The following GLYATL2 variants were observed in gnomAD, a reference collection of about 807,000 sequenced individuals.
GLYATL2 encodes the protein glycine-N-acyltransferase like 2, also known as glycine N-acyltransferase-like protein 2.
In GLYATL2, 25 loss-of-function variants were observed where a neutral mutation model predicts 21.4. That is an observed-to-expected ratio of 1.17 (90% CI 0.85 to 1.63). The LOEUF (loss-of-function observed/expected upper bound fraction) is 1.63, where lower values mean the gene tolerates loss of function less well. Ranked by LOEUF, GLYATL2 falls within the 40% of genes most tolerant of loss-of-function variation. The pLI is 0.00. For synonymous variants in GLYATL2, 114 were observed against 118.2 expected (o/e 0.96, Z 0.23); for missense variants, 361 against 343.3 (o/e 1.05, Z -0.41).
upstream of GLYATL2, among the ~76,000 whole-genome samples, chr11:58,907,010 A>G (rs562477624): frequency 6.6e-6 from 1 of 152,318 alleles, no homozygotes; most frequent in East Asian, 1.9e-4. Context: ...GAACAATAAA[A>G]GGTTGATCTG....
upstream of GLYATL2, among the ~76,000 whole-genome samples, chr11:58,844,950 T>C (rs1853616890): frequency 6.6e-6 from 1 of 152,162 alleles, no homozygotes; most frequent in African/African-American, 2.4e-5. Context: ...GTTACTGTAA[T>C]AATGAGAACT....
At chr11:58,875,895 G>T (rs1307384963) in intron 1 of GLYATL2, among the ~76,000 whole-genome samples, 1 of 152,170 alleles carries the variant, frequency 6.6e-6, no homozygotes, top group Non-Finnish European at 1.5e-5. Context: ...TTTCCAACTT[G>T]GTTCCATTCT....
At chr11:58,908,338 T>C (rs1252726686), upstream of GLYATL2, 3 of 152,656 alleles carry the variant, frequency 2.0e-5, no homozygotes, top group Non-Finnish European at 2.9e-5. Context: ...GTCCAGTGTT[T>C]GAAAGTGGTT....
At chr11:58,883,830 C>T (rs538171369) in intron 1 of GLYATL2, among the ~76,000 whole-genome samples, 1 of 152,160 alleles carries the variant, frequency 6.6e-6, no homozygotes, top group South Asian at 2.1e-4. Context: ...AAAATACCAG[C>T]AAACCGAATC....
At chr11:58,848,847 A>G (rs1165549001), upstream of GLYATL2, among the ~76,000 whole-genome samples, 1 of 152,238 alleles carries the variant, frequency 6.6e-6, no homozygotes, top group Non-Finnish European at 1.5e-5. Context: ...GTATCTGAGT[A>G]CAGGAAAGTT....
At chr11:58,844,753 A>C (rs1213565892), upstream of GLYATL2, 1 of 152,244 alleles carries the variant, frequency 6.6e-6, no homozygotes, top group Non-Finnish European at 1.5e-5. Context: ...CTTGTAGCTG[A>C]AAGGCTATTC....
upstream of GLYATL2, among the ~76,000 whole-genome samples, chr11:58,906,392 G>C (rs979440098): frequency 2.0e-5 from 3 of 152,186 alleles, no homozygotes; most frequent in African/African-American, 7.2e-5. Context: ...CATAGAATGA[G>C]ACCAGGTTCG....
At chr11:58,896,648 G>T (rs1854640454) in intron 1 of GLYATL2, among the ~76,000 whole-genome samples, 1 of 152,110 alleles carries the variant, frequency 6.6e-6, no homozygotes, top group Admixed American at 6.5e-5. Flanking sequence ...AGTAGGGACG[G>T]GTTTATTAGA....
rs564798493 is a variant in GLYATL2, at chr11:58,838,489, T to A, written c.79-121A>T. 13 of 608,798 alleles carry A rather than the reference T, an allele frequency of 2.1e-5. No individual in the cohort carries two copies. In the African/African-American group the frequency reaches 2.4e-4, roughly 11 times the overall value. 37.7% of individuals were successfully genotyped at this position (608,798 alleles called of 1,614,324 possible). On this transcript the variant is annotated intron_variant, in intron 2 of 5. Coordinates refer to ENST00000287275, the MANE Select transcript of GLYATL2 (RefSeq NM_145016.4). ...ACAAGAAGTATAGGAGGACTTAGGATGGGCCAGTGCTTCCAGGATGGCTCA... is the reference window on the plus strand; with the variant it reads ...ACAAGAAGTATAGGAGGACTTAGGAAGGGCCAGTGCTTCCAGGATGGCTCA...
At chr11:58,892,673 A>C (rs1410625691) in intron 1 of GLYATL2, 1 of 354,992 alleles carries the variant, frequency 2.8e-6, no homozygotes, top group Non-Finnish European at 5.4e-6. Flanking sequence ...TCTTCAAGAA[A>C]GTTTAGGTGA....
intron 1 of GLYATL2, among the ~76,000 whole-genome samples, chr11:58,903,604 T>C (rs1250259299): frequency 6.6e-6 from 1 of 152,026 alleles, no homozygotes; most frequent in Non-Finnish European, 1.5e-5. Context: ...ACCCAGGAGG[T>C]TGAGCTTACA....
intron 5 of GLYATL2, among the ~76,000 whole-genome samples, 162 bp from the exon 6 acceptor site, chr11:58,834,999 C>T (rs1480066682): frequency 6.6e-6 from 1 of 152,154 alleles, no homozygotes; most frequent in Non-Finnish European, 1.5e-5. Context: ...CAAAATGTTT[C>T]CAAATAGTTG....
intron 1 of GLYATL2, among the ~76,000 whole-genome samples, chr11:58,853,081 T>G (rs1056593427): frequency 1.3e-5 from 2 of 152,208 alleles, no homozygotes; most frequent in South Asian, 2.1e-4. Flanking sequence ...GTTTTACCAC[T>G]GCCATTTAAT....
intron 1 of GLYATL2, among the ~76,000 whole-genome samples, chr11:58,883,930 C>A (rs201111767): frequency 3.3e-5 from 5 of 152,154 alleles, no homozygotes; most frequent in African/African-American, 4.8e-5. Context: ...AATCAATAAA[C>A]GTAATCCATC....
chr11:58,885,280 C>T (rs1163761370), intron 1 of GLYATL2, among the ~76,000 whole-genome samples: 1 of 152,164 alleles, frequency 6.6e-6, no homozygotes, highest in Admixed American at 6.5e-5. Flanking sequence ...AACTTCACGT[C>T]CATCAGTATG....
intron 1 of GLYATL2, among the ~76,000 whole-genome samples, chr11:58,856,223 C>T (rs1853825939): frequency 6.6e-6 from 1 of 152,122 alleles, no homozygotes; most frequent in African/African-American, 2.4e-5. Flanking sequence ...TCTGCAGCTT[C>T]CTCACCTCTC....
intron 1 of GLYATL2, among the ~76,000 whole-genome samples, chr11:58,850,681 C>G (rs1230052216): frequency 6.6e-6 from 1 of 152,028 alleles, no homozygotes; most frequent in African/African-American, 2.4e-5. Flanking sequence ...ACCAAGTGGA[C>G]ATGGTCTAGC....
At chr11:58,890,737 T>A (rs1165645209) in intron 1 of GLYATL2, among the ~76,000 whole-genome samples, 1 of 151,954 alleles carries the variant, frequency 6.6e-6, no homozygotes, top group Non-Finnish European at 1.5e-5. Flanking sequence ...AATTATTTTT[T>A]TCTTTTCTCT....
At chr11:58,902,420 C>T (rs561307583) in intron 1 of GLYATL2, among the ~76,000 whole-genome samples, 5 of 152,262 alleles carry the variant, frequency 3.3e-5, no homozygotes, top group African/African-American at 1.2e-4. Flanking sequence ...CCATCAAGTC[C>T]AAATATAAAT....
Sources: gnomAD v4.1 joint callset for allele counts (sites outside exome capture counted in the v4.1 genomes callset) on GRCh38, gnomAD v4.1.1 for gene constraint, MANE v1.5 for transcripts, NCBI Gene and HGNC (gene_info 2026-07-23, HGNC 2026-07-21) for gene names.